BTBD10: variants seen among roughly 807,000 people sequenced by gnomAD.
BTBD10 encodes the protein BTB domain containing 10, also known as BTB/POZ domain-containing protein 10.
BTBD10 carries 21 observed loss-of-function variants against 53.2 expected under a neutral mutation model. The observed-to-expected ratio is 0.39, with a 90% CI of 0.28 to 0.57. The LOEUF (loss-of-function observed/expected upper bound fraction) is 0.57. BTBD10 is among the 20% of genes least tolerant of loss of function. The pLI is 0.53. For missense variants in BTBD10, 360 were observed against 594.7 expected (o/e 0.61, Z 4.10); for synonymous variants, 149 against 192.7 (o/e 0.77, Z 1.88).
chr11:13,404,713 C>T, intron 7 of BTBD10: 1 of 538,398 alleles, frequency 1.9e-6, no homozygotes, highest in Non-Finnish European at 2.4e-6. Context: ...GGAATCACAA[C>T]ACTCATTTAA....
At chr11:13,459,483 G>T (rs1951045858) in intron 1 of BTBD10, among the ~76,000 whole-genome samples, 1 of 152,138 alleles carries the variant, frequency 6.6e-6, no homozygotes, top group African/African-American at 2.4e-5. Flanking sequence ...TATTAAAAAG[G>T]GAGAAAAATT....
chr11:13,446,302 G>A (rs1950748749), intron 1 of BTBD10, among the ~76,000 whole-genome samples: 1 of 152,006 alleles, frequency 6.6e-6, no homozygotes, highest in Non-Finnish European at 1.5e-5. Flanking sequence ...TTCCAAAACT[G>A]GGAAAATACT....
chr11:13,389,225 A>G, intron 8 of BTBD10, 84 bp from the exon 9 acceptor site: 1 of 1,100,020 alleles, frequency 9.1e-7, no homozygotes, highest in Non-Finnish European at 1.3e-6. Flanking sequence ...TTTCTGCTAT[A>G]GATCCTAAAG....
intron 5 of BTBD10, among the ~76,000 whole-genome samples, chr11:13,414,489 T>C (rs1025062883): frequency 1.4e-4 from 21 of 151,800 alleles, no homozygotes; most frequent in African/African-American, 4.4e-4. Flanking sequence ...CCTTCTCTAC[T>C]AAGAATACAA....
At chr11:13,396,094 A>G (rs1949544376) in intron 8 of BTBD10, among the ~76,000 whole-genome samples, 3 of 152,130 alleles carry the variant, frequency 2.0e-5, no homozygotes, top group Admixed American at 1.3e-4. Context: ...TGGTAGCTTG[A>G]TGGGGATGGC....
intron 2 of BTBD10, among the ~76,000 whole-genome samples, chr11:13,425,131 A>G (rs546393111): frequency 6.6e-6 from 1 of 152,330 alleles, no homozygotes; most frequent in African/African-American, 2.4e-5. Context: ...AAAGGATTAG[A>G]GGAAATAGTG....
chr11:13,434,328 C>T (rs1298141521), intron 2 of BTBD10, among the ~76,000 whole-genome samples: 3 of 152,080 alleles, frequency 2.0e-5, no homozygotes, highest in Non-Finnish European at 2.9e-5. Context: ...AGAGTGCCAC[C>T]GCTTTGAATG....
chr11:13,409,330 T>C (rs1949892976), intron 6 of BTBD10, among the ~76,000 whole-genome samples: 1 of 152,218 alleles, frequency 6.6e-6, no homozygotes, highest in Non-Finnish European at 1.5e-5. Context: ...ACATAGCATA[T>C]ATGATTTATT....
chr11:13,417,051 AC>A, intron 5 of BTBD10, 106 bp downstream of exon 5: 1 of 728,982 alleles, frequency 1.4e-6, no homozygotes, highest in Non-Finnish European at 2.2e-6. Context: ...GAAAAACAAT[AC>A]CCTGGAATAA....
chr11:13,425,000 G>A (rs144096096), intron 2 of BTBD10, among the ~76,000 whole-genome samples: 3,573 of 152,228 alleles, frequency 0.023, 52 homozygotes, highest in Non-Finnish European at 0.04. Flanking sequence ...GTACCAGAGA[G>A]GAGAGTGTAA....
intron 2 of BTBD10, among the ~76,000 whole-genome samples, chr11:13,428,502 C>T (rs1364462049): frequency 1.3e-5 from 2 of 151,834 alleles, no homozygotes; most frequent in Non-Finnish European, 2.9e-5. Flanking sequence ...TGAAATAATA[C>T]CTTTACCTAA....
rs186923456 is a variant in BTBD10 at position 13,414,668 on chromosome 11, A to T, written c.688-1018T>A. The stretch of plus-strand genomic sequence containing the variant: ...GACTCCATCTCAAAATAAAAATAAT[A>T]AAAAAAAAAAAGAATACAAAAATTA... On this transcript the variant is annotated intron_variant, in intron 5 of 8. Coordinates refer to ENST00000278174, the MANE Select transcript of BTBD10 (RefSeq NM_032320.7). Among the ~76,000 whole-genome samples the T allele has an allele frequency of 3.9e-3, 561 of 143,462 alleles. 3 individuals carry two copies. The highest frequency in any genetic ancestry group is 0.011 in the African/African-American group (436 of 39,218). 94.1% of individuals were successfully genotyped at this position (143,462 alleles called of 152,430 possible). A position where few individuals can be genotyped will look rare whatever the true frequency, so the allele number is the denominator to read the frequency against.
chr11:13,444,702 C>T (rs1950721994), intron 2 of BTBD10, among the ~76,000 whole-genome samples: 1 of 151,992 alleles, frequency 6.6e-6, no homozygotes, highest in African/African-American at 2.4e-5. Context: ...AAATAAATTC[C>T]TATTAGAGAG....
At chr11:13,430,634 G>A (rs536889305) in intron 2 of BTBD10, among the ~76,000 whole-genome samples, 1 of 152,142 alleles carries the variant, frequency 6.6e-6, no homozygotes, top group South Asian at 2.1e-4. Context: ...AAATGTTTAT[G>A]AACAAGTGAG....
intron 5 of BTBD10, 35 bp downstream of exon 5, chr11:13,417,122 CT>C: frequency 6.7e-7 from 1 of 1,500,532 alleles, no homozygotes; most frequent in Non-Finnish European, 9.2e-7. Flanking sequence ...AAGAAGGCGT[CT>C]TATGATTAAG....
At chr11:13,389,841 T>A (rs1949361782) in intron 8 of BTBD10, among the ~76,000 whole-genome samples, 2 of 152,184 alleles carry the variant, frequency 1.3e-5, no homozygotes, top group African/African-American at 4.8e-5. Flanking sequence ...TTGCTCTGAG[T>A]TTTTTCTTTT....
chr11:13,406,243 G>C (rs572368753), intron 6 of BTBD10, among the ~76,000 whole-genome samples: 12 of 152,128 alleles, frequency 7.9e-5, no homozygotes, highest in African/African-American at 2.4e-4. Context: ...AGCTGAAAAG[G>C]GTCAATAGTC....
intron 1 of BTBD10, among the ~76,000 whole-genome samples, chr11:13,452,423 A>G (rs555964639): frequency 2.0e-5 from 3 of 152,354 alleles, no homozygotes; most frequent in East Asian, 1.9e-4. Context: ...ACAGAACTGT[A>G]TATCAGAAAG....
At chr11:13,415,947 C>T (rs751107843) in intron 5 of BTBD10, among the ~76,000 whole-genome samples, 1 of 151,602 alleles carries the variant, frequency 6.6e-6, no homozygotes, top group Non-Finnish European at 1.5e-5. Flanking sequence ...TGAACCACCA[C>T]ACCCAGCCTT....
Sources: gnomAD v4.1 joint callset for allele counts (sites outside exome capture counted in the v4.1 genomes callset) on GRCh38, gnomAD v4.1.1 for gene constraint, MANE v1.5 for transcripts, NCBI Gene and HGNC (gene_info 2026-07-23, HGNC 2026-07-21) for gene names.